The following CSMD1 variants were observed in gnomAD, a reference collection of about 807,000 sequenced individuals.
The protein encoded by CSMD1 is CUB and Sushi multiple domains 1.
CSMD1 carries 213 observed loss-of-function variants against 417.5 expected under a neutral mutation model. That is an observed-to-expected ratio of 0.51 (90% CI 0.46 to 0.57). The LOEUF is 0.57. Ranked by LOEUF, CSMD1 falls within the 20% of genes least tolerant of loss-of-function variation. The probability of loss-of-function intolerance (pLI) is 0.00; values close to 1 mark genes in which losing one functional copy is unlikely to be tolerated. For synonymous variants in CSMD1, 2,862 were observed against 1,736.8 expected (o/e 1.65, Z -16.11); for missense variants, 6,923 against 4,529.7 (o/e 1.53, Z -15.17).
chr8:4,572,723 G>C (rs1322877454), intron 2 of CSMD1, among the ~76,000 whole-genome samples: 3 of 152,128 alleles, frequency 2.0e-5, no homozygotes, highest in Non-Finnish European at 4.4e-5. Context: ...TTCCAACTTG[G>C]TTCCATTCTC....
intron 10 of CSMD1, among the ~76,000 whole-genome samples, chr8:3,512,865 G>T (rs368718143): frequency 6.6e-6 from 1 of 151,938 alleles, no homozygotes; most frequent in African/African-American, 2.4e-5. Context: ...CAAAATGCTG[G>T]GATTACAGGT....
intron 46 of CSMD1, among the ~76,000 whole-genome samples, chr8:3,102,781 G>A (rs1412520427): frequency 6.6e-6 from 1 of 152,132 alleles, no homozygotes; most frequent in Non-Finnish European, 1.5e-5. Flanking sequence ...AATATTAAAA[G>A]CTGTAAGAGC....
intron 1 of CSMD1, among the ~76,000 whole-genome samples, chr8:4,965,293 A>G (rs933505863): frequency 2.0e-5 from 3 of 152,252 alleles, no homozygotes; most frequent in Non-Finnish European, 2.9e-5. Context: ...CTTATTGTGT[A>G]TCAGGCATAG....
At chr8:2,960,550 C>G (rs1803364837) in intron 62 of CSMD1, among the ~76,000 whole-genome samples, 1 of 152,142 alleles carries the variant, frequency 6.6e-6, no homozygotes, top group East Asian at 1.9e-4. Flanking sequence ...AGGTATTTCT[C>G]CAACGTTCAC....
intron 1 of CSMD1, among the ~76,000 whole-genome samples, chr8:4,729,012 G>A (rs1439367138): frequency 2.6e-5 from 4 of 152,130 alleles, no homozygotes; most frequent in African/African-American, 9.7e-5. Flanking sequence ...AAATCTAGAA[G>A]GCGTTAGTAT....
chr8:4,877,868 T>A (rs1320155341), intron 1 of CSMD1, among the ~76,000 whole-genome samples: 1 of 152,078 alleles, frequency 6.6e-6, no homozygotes, highest in African/African-American at 2.4e-5. Context: ...CAAATTGCTC[T>A]ACCCAGTGTA....
intron 9 of CSMD1, among the ~76,000 whole-genome samples, chr8:3,584,976 G>T (rs1800535942): frequency 6.6e-6 from 1 of 152,180 alleles, no homozygotes; most frequent in Non-Finnish European, 1.5e-5. Flanking sequence ...GAAGGGGACA[G>T]CCATGTGCAT....
chr8:3,101,253 T>C (rs1815719283), intron 46 of CSMD1, among the ~76,000 whole-genome samples: 1 of 152,156 alleles, frequency 6.6e-6, no homozygotes. Flanking sequence ...TCCTCCTTTT[T>C]CCTCAACGCC....
At chr8:3,880,900 G>C (rs1806163498) in intron 5 of CSMD1, among the ~76,000 whole-genome samples, 1 of 151,998 alleles carries the variant, frequency 6.6e-6, no homozygotes. Flanking sequence ...ACCATTGAAA[G>C]TAAACACAAT....
chr8:4,963,200 TTAC>T (rs1434470731), intron 1 of CSMD1, among the ~76,000 whole-genome samples: 1 of 152,090 alleles, frequency 6.6e-6, no homozygotes, highest in African/African-American at 2.4e-5. Flanking sequence ...CTTTATTTAT[TTAC>T]TTATTTATTT....
intron 5 of CSMD1, among the ~76,000 whole-genome samples, chr8:3,927,131 A>C (rs1442432898): frequency 6.6e-6 from 1 of 152,014 alleles, no homozygotes; most frequent in Non-Finnish European, 1.5e-5. Flanking sequence ...AATATAAATT[A>C]TTATAAATAA....
intron 26 of CSMD1, among the ~76,000 whole-genome samples, chr8:3,230,638 T>G (rs1300208891): frequency 6.6e-6 from 1 of 152,142 alleles, no homozygotes; most frequent in African/African-American, 2.4e-5. Context: ...ATAGGAAGAA[T>G]TTCCTTAAGG....
intron 1 of CSMD1, among the ~76,000 whole-genome samples, chr8:4,958,149 C>A: frequency 6.6e-6 from 1 of 152,110 alleles, no homozygotes; most frequent in East Asian, 1.9e-4. Context: ...ATATGTTTCC[C>A]TCAAACAAAA....
intron 3 of CSMD1, among the ~76,000 whole-genome samples, chr8:4,073,242 A>G (rs980957904): frequency 6.6e-6 from 1 of 152,198 alleles, no homozygotes; most frequent in African/African-American, 2.4e-5. Flanking sequence ...TAGGTGCATT[A>G]AATGATGAGA....
intron 3 of CSMD1, among the ~76,000 whole-genome samples, chr8:4,040,364 C>A (rs1342017813): frequency 6.6e-6 from 1 of 152,116 alleles, no homozygotes; most frequent in African/African-American, 2.4e-5. Context: ...CCATTTTAAA[C>A]AAACAAACAC....
chr8:4,081,901 G>C (rs1053843191), intron 3 of CSMD1, among the ~76,000 whole-genome samples: 16 of 152,158 alleles, frequency 1.1e-4, no homozygotes, highest in African/African-American at 3.9e-4. Flanking sequence ...TTACAGTAGT[G>C]CTCATGGGGG....
At chr8:4,061,050 C>G (rs1000073755) in intron 3 of CSMD1, among the ~76,000 whole-genome samples, 9 of 106,568 alleles carry the variant, frequency 8.4e-5, no homozygotes, top group African/African-American at 2.8e-4. Context: ...TTATGATGTA[C>G]AAAATGCCAT....
chr8:3,660,468 C>T (rs988505628), intron 7 of CSMD1, among the ~76,000 whole-genome samples: 10 of 132,986 alleles, frequency 7.5e-5, no homozygotes, highest in African/African-American at 2.6e-4. Context: ...AACTAGGGCT[C>T]AGATCAAGTG....
chr8:4,430,359 T>A (rs1171889654), intron 2 of CSMD1, among the ~76,000 whole-genome samples: 2 of 152,184 alleles, frequency 1.3e-5, no homozygotes, highest in Non-Finnish European at 2.9e-5. Flanking sequence ...GCTTACATCA[T>A]TAAAGGCTTA....
Sources: gnomAD v4.1 joint callset for allele counts (sites outside exome capture counted in the v4.1 genomes callset) on GRCh38, gnomAD v4.1.1 for gene constraint, MANE v1.5 for transcripts, NCBI Gene and HGNC (gene_info 2026-07-23, HGNC 2026-07-21) for gene names.